Variants in ITGA1 observed in about 807,000 individuals in gnomAD.
ITGA1 encodes the protein integrin alpha-1.
Under a neutral mutation model 145.9 loss-of-function variants are expected in ITGA1, and 85 were observed. The ratio of observed to expected loss-of-function variants is 0.58; its 90% CI spans 0.49 to 0.70. The LOEUF (loss-of-function observed/expected upper bound fraction) is 0.70, where lower values mean the gene tolerates loss of function less well. ITGA1 is among the 30% of genes least tolerant of loss of function. The pLI, the probability that ITGA1 is intolerant of heterozygous loss-of-function variation, is 0.00. For synonymous variants in ITGA1, 520 were observed against 495.3 expected, an observed-to-expected ratio of 1.05 and a Z score of -0.66; for missense variants, 1,351 against 1,418.7, an observed-to-expected ratio of 0.95 and a Z score of 0.77.
intron 2 of ITGA1, among the ~76,000 whole-genome samples, chr5:52,856,133 G>T (rs571838073): frequency 6.6e-6 from 1 of 152,232 alleles, no homozygotes; most frequent in Admixed American, 6.5e-5. Context: ...AGAGCCAAAT[G>T]CTTGCCAAAT....
At chr5:52,943,181 C>G (rs747324561) in intron 26 of ITGA1, among the ~76,000 whole-genome samples, 1 of 152,052 alleles carries the variant, frequency 6.6e-6, no homozygotes, top group Non-Finnish European at 1.5e-5. Context: ...CAGCTTTTGC[C>G]CATTCAGTAT....
intron 1 of ITGA1, among the ~76,000 whole-genome samples, chr5:52,831,472 G>C (rs1350910810): frequency 6.6e-6 from 1 of 151,594 alleles, no homozygotes; most frequent in African/African-American, 2.4e-5. Context: ...TAAGTCTCAA[G>C]ATACCTGTTT....
rs186068045 is a variant in ITGA1, at chr5:52,881,581, T to A, written c.625-292T>A. Among the ~76,000 whole-genome samples the A allele has an allele frequency of 1.5e-3, 232 of 152,320 alleles. 1 individual carries two copies. The highest frequency in any genetic ancestry group is 5.3e-3 in the African/African-American group (219 of 41,568). On this transcript the variant is annotated intron_variant, in intron 6 of 28. Coordinates refer to ENST00000282588, the MANE Select transcript of ITGA1 (RefSeq NM_181501.2). ...TCCATGAAGGCAGAGACCATATCAG[T>A]GTGTTTCATATTCTACCCACCAAGG...
chr5:52,933,043 G>A (rs1018628621), intron 22 of ITGA1: 19 of 151,714 alleles, frequency 1.3e-4, no homozygotes, highest in Non-Finnish European at 2.1e-4. Context: ...TTTATAAGGC[G>A]CTTGGAGACG....
rs531565127 is a variant in ITGA1 at position 52,843,091 on chromosome 5, A to G, written c.62-6274A>G. Among the ~76,000 whole-genome samples, 3 of 152,276 alleles carry G rather than the reference A, an allele frequency of 2.0e-5. No homozygotes were observed. In the East Asian group the frequency reaches 5.8e-4, roughly 29 times the overall value. On this transcript the variant is annotated intron_variant, in intron 1 of 28. Transcript: ENST00000282588. ...TGTGGAGTAGTGGAATATATGAATGATTGAATAAATAATATAGATGAAAAG... is the reference window on the plus strand; with the variant it reads ...TGTGGAGTAGTGGAATATATGAATGGTTGAATAAATAATATAGATGAAAAG...
Position 52,864,836 on chromosome 5 carries a change from A to G in ITGA1, c.369A>G (p.Pro123=), listed in dbSNP as rs768895989. 85 of 1,608,992 alleles carry G rather than the reference A, an allele frequency of 5.3e-5. No homozygotes were observed. Among genetic ancestry groups the G allele is most frequent in the Non-Finnish European group, 6.9e-5 (81 of 1,175,700 alleles). The change falls in exon 4 of 29, where the codon CCA becomes CCG. Residue 123 remains proline, a synonymous_variant. Coordinates refer to ENST00000282588, the MANE Select transcript of ITGA1 (RefSeq NM_181501.2). ...MTFGSTLVTN[P]NGGFLACGPL... ...TTGGATCAACTTTAGTCACCAACCC[A>G]AATGGAGGATTTCTGGTAAGAATGG...
intron 2 of ITGA1, among the ~76,000 whole-genome samples, chr5:52,854,482 T>TG: frequency 6.6e-6 from 1 of 152,156 alleles, no homozygotes; most frequent in East Asian, 1.9e-4. Flanking sequence ...CTGCAGTTAA[T>TG]GGGTCACTGT....
At chr5:52,801,675 G>T in intron 1 of ITGA1, 1 of 1,614,182 alleles carries the variant, frequency 6.2e-7, no homozygotes, top group Middle Eastern at 1.6e-4. Flanking sequence ...GGTATGTGAG[G>T]CTGGTGGACA....
chr5:52,958,093 T>C lies in ITGA1; in HGVS notation c.*5642T>C, dbSNP rs1282481596. 1 of 152,184 alleles carries C rather than the reference T, an allele frequency of 6.6e-6. No homozygotes were observed. Among genetic ancestry groups the C allele is most frequent in the Non-Finnish European group, 1.5e-5 (1 of 68,022 alleles). 9.4% of individuals were successfully genotyped at this position (152,184 alleles called of 1,614,324 possible). A position where few individuals can be genotyped will look rare whatever the true frequency, so the allele number is the denominator to read the frequency against. On this transcript the variant is annotated 3_prime_UTR_variant, in exon 29 of 29. Transcript: ENST00000282588. ...TTTTTAAGAGGTAGAGAGAGATTAC[T>C]GGGAAGCAGTGAGCCAACATAATTG...
At chr5:52,893,383 A>G (rs1022865989) in intron 8 of ITGA1, among the ~76,000 whole-genome samples, 1 of 152,238 alleles carries the variant, frequency 6.6e-6, no homozygotes, top group African/African-American at 2.4e-5. Flanking sequence ...GAACTGTCAG[A>G]TTTTAAAAAT....
chr5:52,850,961 T>C (rs1749423118), intron 2 of ITGA1, among the ~76,000 whole-genome samples: 1 of 152,238 alleles, frequency 6.6e-6, no homozygotes, highest in Admixed American at 6.5e-5. Context: ...ACTTTGTGCG[T>C]AAGCTATAAT....
chr5:52,946,462 T>A (rs1032405064), intron 27 of ITGA1, among the ~76,000 whole-genome samples: 3 of 152,210 alleles, frequency 2.0e-5, no homozygotes, highest in Non-Finnish European at 4.4e-5. Context: ...CTGGAGTGAT[T>A]TGAGAGGTTT....
chr5:52,814,240 G>C (rs1330925182), intron 1 of ITGA1, among the ~76,000 whole-genome samples: 1 of 152,154 alleles, frequency 6.6e-6, no homozygotes, highest in African/African-American at 2.4e-5. Flanking sequence ...TCAGCATCCT[G>C]GGTTCAAGCG....
intron 1 of ITGA1, among the ~76,000 whole-genome samples, chr5:52,812,607 C>A (rs1748699169): frequency 6.6e-6 from 1 of 152,042 alleles, no homozygotes; most frequent in South Asian, 2.1e-4. Context: ...AGCTCTGTGA[C>A]CTTGAGCAAG....
intron 2 of ITGA1, among the ~76,000 whole-genome samples, chr5:52,850,514 A>T (rs1749413628): frequency 1.3e-5 from 2 of 152,152 alleles, no homozygotes; most frequent in African/African-American, 4.8e-5. Context: ...GCAAAAAGAG[A>T]TTTATATCTA....
In ITGA1 at chr5:52,859,574, A is replaced by G. The variant is rs940590396; in HGVS notation, c.183-1873A>G. Among the ~76,000 whole-genome samples the G allele has an allele frequency of 6.4e-4, 97 of 152,350 alleles. 1 individual carries two copies. Among genetic ancestry groups the G allele is most frequent in the African/African-American group, 2.1e-3 (89 of 41,578 alleles). Reference sequence around the variant, plus strand: ...TATTTTCATTAATACTAGCATGCCTATAGGGCCTACACAAAATAAATCCCA... The same window carrying G: ...TATTTTCATTAATACTAGCATGCCTGTAGGGCCTACACAAAATAAATCCCA... On this transcript the variant is annotated intron_variant, in intron 2 of 28. Coordinates refer to ENST00000282588, the MANE Select transcript of ITGA1 (RefSeq NM_181501.2).
chr5:52,915,428 T>C (rs1415673773), intron 14 of ITGA1, 36 bp from the exon 15 acceptor site: 4 of 1,602,874 alleles, frequency 2.5e-6, no homozygotes, highest in South Asian at 1.1e-5. Flanking sequence ...GAACAGACTC[T>C]TCTCATATGA....
rs116370418 is a variant in ITGA1, at chr5:52,891,473, A to G, written c.925-2202A>G. ...TTTTTGTTATTGTTATCTATTTTAT[A>G]GACCACAATTTGTACTCTACTGTTT... On this transcript the variant is annotated intron_variant, in intron 8 of 28. Transcript: ENST00000282588. Among the ~76,000 whole-genome samples, 601 of 151,182 alleles carry G rather than the reference A, an allele frequency of 4.0e-3. 7 individuals are homozygous for G. The highest frequency in any genetic ancestry group is 0.014 in the African/African-American group (566 of 41,274).
chr5:52,939,466 C>T (rs1432536869), intron 24 of ITGA1, 124 bp from the exon 25 acceptor site: 1 of 661,394 alleles, frequency 1.5e-6, no homozygotes, highest in Non-Finnish European at 2.6e-6. Flanking sequence ...AGCACACTTA[C>T]AAAGATGGAT....
Sources: gnomAD v4.1 joint callset for allele counts (sites outside exome capture counted in the v4.1 genomes callset) on GRCh38, gnomAD v4.1.1 for gene constraint, MANE v1.5 for transcripts, NCBI Gene and HGNC (gene_info 2026-07-23, HGNC 2026-07-21) for gene names.